The following FOXP2 variants were observed in gnomAD, a reference collection of about 807,000 sequenced individuals.
FOXP2 encodes the protein forkhead box protein P2.
FOXP2 carries 12 observed loss-of-function variants against 115.8 expected under a neutral mutation model. That is an observed-to-expected ratio of 0.10 (90% CI 0.07 to 0.17). The LOEUF (loss-of-function observed/expected upper bound fraction) is 0.17. FOXP2 is among the 10% of genes least tolerant of loss of function. The pLI, the probability that FOXP2 is intolerant of heterozygous loss-of-function variation, is 1.00. For missense variants in FOXP2, 629 were observed against 843.5 expected, an observed-to-expected ratio of 0.75 and a Z score of 3.15; for synonymous variants, 328 against 297.7, an observed-to-expected ratio of 1.10 and a Z score of -1.05.
intron 1 of FOXP2, among the ~76,000 whole-genome samples, chr7:114,173,956 A>G (rs958203940): frequency 6.6e-6 from 1 of 151,862 alleles, no homozygotes; most frequent in African/African-American, 2.4e-5. Flanking sequence ...GCCAGTTAGA[A>G]TTTATATTGA....
intron 1 of FOXP2, among the ~76,000 whole-genome samples, chr7:114,096,075 C>T (rs1313197909): frequency 6.6e-6 from 1 of 152,142 alleles, no homozygotes; most frequent in Non-Finnish European, 1.5e-5. Flanking sequence ...TTCCCAGTCC[C>T]CATCACGTGA....
At chr7:114,631,795 G>A in intron 6 of FOXP2, 90 bp downstream of exon 6, 1 of 1,382,504 alleles carries the variant, frequency 7.2e-7, no homozygotes, top group South Asian at 1.2e-5. Context: ...GAGAAATTTT[G>A]TTTTTATGAC....
chr7:114,158,564 G>A (rs1361894053), upstream of FOXP2, among the ~76,000 whole-genome samples: 1 of 151,998 alleles, frequency 6.6e-6, no homozygotes. Context: ...CTTTGCCATA[G>A]TACCATGAAA....
chr7:114,090,735 G>GT (rs1799525135), intron 1 of FOXP2, among the ~76,000 whole-genome samples: 1 of 151,468 alleles, frequency 6.6e-6, no homozygotes, highest in Non-Finnish European at 1.5e-5. Flanking sequence ...GTTCAACTAT[G>GT]TATCTCTTAG....
At chr7:114,349,239 C>T (rs968714118) in intron 2 of FOXP2, among the ~76,000 whole-genome samples, 4 of 151,798 alleles carry the variant, frequency 2.6e-5, no homozygotes, top group Non-Finnish European at 5.9e-5. Flanking sequence ...TGGCATTTCA[C>T]TAAAAGTCTT....
At chr7:114,434,019 G>A (rs1265203863) in intron 2 of FOXP2, among the ~76,000 whole-genome samples, 1 of 151,918 alleles carries the variant, frequency 6.6e-6, no homozygotes, top group Non-Finnish European at 1.5e-5. Flanking sequence ...GGATCTTTGT[G>A]TTGAAATGGC....
chr7:114,647,456 G>T (rs1028980717), intron 8 of FOXP2, among the ~76,000 whole-genome samples: 29 of 150,770 alleles, frequency 1.9e-4, no homozygotes, highest in Admixed American at 1.7e-3. Context: ...TTTTAATTGA[G>T]GCACTCTTTT....
chr7:114,347,877 T>C (rs1490036143), intron 2 of FOXP2, among the ~76,000 whole-genome samples: 2 of 152,070 alleles, frequency 1.3e-5, no homozygotes, highest in Non-Finnish European at 2.9e-5. Context: ...TGCATATTAT[T>C]TAAAAATCTT....
chr7:114,216,757 T>C (rs1248410911), intron 1 of FOXP2, among the ~76,000 whole-genome samples: 1 of 152,108 alleles, frequency 6.6e-6, no homozygotes, highest in East Asian at 1.9e-4. Flanking sequence ...TATTACGAGA[T>C]AAAATACTGA....
At chr7:114,587,820 G>C (rs754576439) in intron 3 of FOXP2, among the ~76,000 whole-genome samples, 12 of 123,860 alleles carry the variant, frequency 9.7e-5, no homozygotes, top group Non-Finnish European at 1.8e-4. Flanking sequence ...TCTCACACTA[G>C]TTCTGCAATA....
intron 3 of FOXP2, among the ~76,000 whole-genome samples, chr7:114,563,258 T>A (rs1211426993): frequency 6.6e-6 from 1 of 152,188 alleles, no homozygotes; most frequent in Non-Finnish European, 1.5e-5. Context: ...CTGAAATAGT[T>A]CTATTGAATA....
intron 2 of FOXP2, among the ~76,000 whole-genome samples, chr7:114,510,690 AAAAAGTCAGG>A (rs1798026976): frequency 6.6e-6 from 1 of 152,188 alleles, no homozygotes; most frequent in Admixed American, 6.5e-5. Context: ...GGCGATCATT[AAAAAGTCAGG>A]AAACAACAGA....
intron 2 of FOXP2, among the ~76,000 whole-genome samples, chr7:114,516,255 G>A (rs577054776): frequency 6.1e-4 from 93 of 152,034 alleles, no homozygotes; most frequent in African/African-American, 2.0e-3. Flanking sequence ...AAATAATGCC[G>A]CATATCTACA....
intron 3 of FOXP2, among the ~76,000 whole-genome samples, chr7:114,536,397 C>CTTTTTT (rs3997242): frequency 2.1e-3 from 230 of 112,020 alleles, no homozygotes; most frequent in Middle Eastern, 4.7e-3. Flanking sequence ...TTTTTCTTTT[C>CTTTTTT]TTTTTTTTTT....
intron 1 of FOXP2, among the ~76,000 whole-genome samples, chr7:114,220,321 T>C (rs1794590423): frequency 6.6e-6 from 1 of 152,164 alleles, no homozygotes; most frequent in Admixed American, 6.5e-5. Flanking sequence ...GGGAAAAATA[T>C]GTTAAGCCTA....
intron 2 of FOXP2, among the ~76,000 whole-genome samples, chr7:114,496,445 G>A (rs976902487): frequency 2.0e-5 from 3 of 152,108 alleles, no homozygotes; most frequent in African/African-American, 7.2e-5. Context: ...ATGCCAATCA[G>A]TGCATTATAT....
intron 11 of FOXP2, 38 bp from the exon 12 acceptor site, chr7:114,659,313 GTGAAT>G: frequency 7.6e-7 from 1 of 1,316,582 alleles, no homozygotes; most frequent in Non-Finnish European, 1.1e-6. Flanking sequence ...TATATATAAT[GTGAAT>G]TATTAGCAGA....
At chr7:114,258,178 G>T (rs1416515805) in intron 1 of FOXP2, among the ~76,000 whole-genome samples, 1 of 152,164 alleles carries the variant, frequency 6.6e-6, no homozygotes. Flanking sequence ...TAGCAATGAT[G>T]GTGGCTTGGA....
chr7:114,212,885 C>G (rs927848776), intron 1 of FOXP2, among the ~76,000 whole-genome samples: 3 of 152,164 alleles, frequency 2.0e-5, no homozygotes, highest in Non-Finnish European at 4.4e-5. Flanking sequence ...TTGGTGCCAG[C>G]TTTGGCATCT....
Sources: allele counts gnomAD v4.1 joint callset (sites outside exome capture counted in the v4.1 genomes callset), GRCh38; gene constraint gnomAD v4.1.1; transcripts MANE v1.5; gene names NCBI Gene and HGNC (gene_info 2026-07-23, HGNC 2026-07-21).